The following SHISA9 variants were observed in gnomAD, a reference collection of about 807,000 sequenced individuals.
The protein encoded by SHISA9 is shisa family member 9.
Under a neutral mutation model 38.0 loss-of-function variants are expected in SHISA9, and 13 were observed. The ratio of observed to expected loss-of-function variants is 0.34; its 90% CI spans 0.22 to 0.54. The LOEUF (loss-of-function observed/expected upper bound fraction) is 0.54, where lower values mean the gene tolerates loss of function less well. Among genes scored for constraint, SHISA9 ranks in the 20% least tolerant of loss-of-function variants. The pLI, the probability that SHISA9 is intolerant of heterozygous loss-of-function variation, is 0.91. For synonymous variants in SHISA9, 275 were observed against 242.0 expected, an observed-to-expected ratio of 1.14 and a Z score of -1.27; for missense variants, 538 against 575.8, an observed-to-expected ratio of 0.93 and a Z score of 0.67.
At chr16:13,096,210 G>C (rs1030577373) in intron 2 of SHISA9, among the ~76,000 whole-genome samples, 1 of 152,172 alleles carries the variant, frequency 6.6e-6, no homozygotes, top group African/African-American at 2.4e-5. Context: ...AATTTTCAGT[G>C]TAGGCCTTGT....
At chr16:13,507,401 CTTCTTTCTT>C in the SHISA9 span, among the ~76,000 whole-genome samples, 1,081 of 152,152 alleles carry the variant, frequency 7.1e-3, 15 homozygotes, top group African/African-American at 0.025. Context: ...TAAGCATTGG[CTTCTTTCTT>C]TTCTTTCTTT....
intron 2 of SHISA9, among the ~76,000 whole-genome samples, chr16:13,052,268 G>A (rs1199420753): frequency 6.6e-6 from 1 of 152,140 alleles, no homozygotes; most frequent in Admixed American, 6.5e-5. Context: ...GTGATTTAGA[G>A]ACATTTTCCC....
At chr16:12,974,672 G>A (rs909976489) in intron 2 of SHISA9, among the ~76,000 whole-genome samples, 3 of 151,726 alleles carry the variant, frequency 2.0e-5, no homozygotes, top group South Asian at 2.1e-4. Context: ...TTAGTAGAGC[G>A]GGGTTTTGCC....
the SHISA9 span, among the ~76,000 whole-genome samples, chr16:13,298,597 C>A: frequency 6.6e-6 from 1 of 152,140 alleles, no homozygotes; most frequent in South Asian, 2.1e-4. Flanking sequence ...GTGCTGGAGT[C>A]AGGATTTGAA....
chr16:13,110,691 C>T (rs1159923805), intron 2 of SHISA9, among the ~76,000 whole-genome samples: 2 of 152,178 alleles, frequency 1.3e-5, no homozygotes, highest in Non-Finnish European at 2.9e-5. Context: ...AGCCAAAGAG[C>T]TGTGATGAAG....
At chr16:13,221,919 T>C (rs1149409) in intron 4 of SHISA9, among the ~76,000 whole-genome samples, 71,844 of 152,000 alleles carry the variant, frequency 0.47, 17,818 homozygotes, top group East Asian at 0.76. Context: ...TAGTTTGTTT[T>C]CATGCTGCTG....
At chr16:13,087,903 A>G (rs1014658239) in intron 2 of SHISA9, among the ~76,000 whole-genome samples, 3 of 152,310 alleles carry the variant, frequency 2.0e-5, no homozygotes, top group African/African-American at 7.2e-5. Flanking sequence ...GCCCATGCCT[A>G]TGTCCTGAAT....
chr16:13,009,629 T>C (rs899986563), intron 2 of SHISA9, among the ~76,000 whole-genome samples: 9 of 152,162 alleles, frequency 5.9e-5, no homozygotes, highest in African/African-American at 1.9e-4. Context: ...TGATTTGTAA[T>C]CAGAGTTTGC....
At chr16:13,551,830 C>T in the SHISA9 span, among the ~76,000 whole-genome samples, 1 of 152,150 alleles carries the variant, frequency 6.6e-6, no homozygotes, top group East Asian at 1.9e-4. Context: ...AGTTCAAGAC[C>T]AGCCTGGCCA....
At chr16:13,478,474 G>C in the SHISA9 span, among the ~76,000 whole-genome samples, 1 of 151,918 alleles carries the variant, frequency 6.6e-6, no homozygotes, top group Non-Finnish European at 1.5e-5. Context: ...GACTCCTCTG[G>C]GCCAGACTTG....
chr16:13,524,666 C>T, the SHISA9 span, among the ~76,000 whole-genome samples: 2 of 152,170 alleles, frequency 1.3e-5, no homozygotes, highest in African/African-American at 4.8e-5. Flanking sequence ...TCAAGCAATC[C>T]TCCTACCTCA....
At chr16:13,110,062 TTTCAAGAAA>T (rs2073962743) in intron 2 of SHISA9, among the ~76,000 whole-genome samples, 1 of 152,182 alleles carries the variant, frequency 6.6e-6, no homozygotes, top group African/African-American at 2.4e-5. Context: ...ATATTCAACT[TTTCAAGAAA>T]GGAATAGCTT....
intron 4 of SHISA9, among the ~76,000 whole-genome samples, chr16:13,220,093 C>G (rs1038543132): frequency 6.6e-6 from 1 of 152,204 alleles, no homozygotes; most frequent in Non-Finnish European, 1.5e-5. Flanking sequence ...AACAAATAAC[C>G]TCAAATCTCA....
chr16:13,154,720 C>T (rs1019036216), intron 2 of SHISA9, among the ~76,000 whole-genome samples: 1 of 152,208 alleles, frequency 6.6e-6, no homozygotes, highest in African/African-American at 2.4e-5. Context: ...GGCTTTTTAC[C>T]TCCTCTCTGC....
chr16:13,217,675 C>T (rs1321256607), intron 4 of SHISA9, among the ~76,000 whole-genome samples: 1 of 152,140 alleles, frequency 6.6e-6, no homozygotes, highest in Non-Finnish European at 1.5e-5. Context: ...CACAAAGTCT[C>T]CATTTATCTC....
At chr16:13,470,904 G>A in the SHISA9 span, among the ~76,000 whole-genome samples, 1 of 152,042 alleles carries the variant, frequency 6.6e-6, no homozygotes, top group African/African-American at 2.4e-5. Context: ...TGAAGACAAG[G>A]ACTTTAGCAC....
the SHISA9 span, among the ~76,000 whole-genome samples, chr16:13,452,454 G>A: frequency 6.6e-6 from 1 of 152,108 alleles, no homozygotes. Flanking sequence ...TGGCTTCCAG[G>A]TTTGTGAATT....
the SHISA9 span, among the ~76,000 whole-genome samples, chr16:13,271,869 G>T: frequency 1.3e-5 from 2 of 152,120 alleles, no homozygotes; most frequent in East Asian, 3.9e-4. Flanking sequence ...ATAACCTGAG[G>T]TCAGGAGTTC....
intron 2 of SHISA9, among the ~76,000 whole-genome samples, chr16:12,989,807 A>T (rs2072360900): frequency 6.6e-6 from 1 of 152,108 alleles, no homozygotes; most frequent in Non-Finnish European, 1.5e-5. Context: ...TCAGGGGTCC[A>T]TGTGTAGGAT....
Sources: allele counts gnomAD v4.1 joint callset (sites outside exome capture counted in the v4.1 genomes callset), GRCh38; gene constraint gnomAD v4.1.1; transcripts MANE v1.5; gene names NCBI Gene and HGNC (gene_info 2026-07-23, HGNC 2026-07-21).